The following AASDH variants were observed in gnomAD, a reference collection of about 807,000 sequenced individuals.
AASDH encodes beta-alanine-activating enzyme.
Under a neutral mutation model 102.3 loss-of-function variants are expected in AASDH, and 81 were observed. That is an observed-to-expected ratio of 0.79 (90% CI 0.66 to 0.95). The LOEUF (loss-of-function observed/expected upper bound fraction) is 0.95. Ranked by LOEUF, AASDH falls within the 40% of genes least tolerant of loss-of-function variation. The pLI is 0.00. For synonymous variants in AASDH, 398 were observed against 454.0 expected, an observed-to-expected ratio of 0.88 and a Z score of 1.57; for missense variants, 1,203 against 1,266.2, an observed-to-expected ratio of 0.95 and a Z score of 0.76.
intron 10 of AASDH, among the ~76,000 whole-genome samples, chr4:56,350,364 G>T (rs142455375): frequency 0.011 from 1,627 of 152,234 alleles, 33 homozygotes; most frequent in African/African-American, 0.037. Context: ...TGAGGCAAGA[G>T]AATCGCTTGA....
At chr4:56,385,470 A>C (rs1486756024) in intron 1 of AASDH, among the ~76,000 whole-genome samples, 1 of 152,228 alleles carries the variant, frequency 6.6e-6, no homozygotes, top group African/African-American at 2.4e-5. Flanking sequence ...TCAAGAAAGA[A>C]ACACTCGGGA....
At position 56,378,291 on chromosome 4, in the gene AASDH, G is replaced by A. The variant is rs767161606; in HGVS notation, c.525C>T (p.Val175=). ...EKIKSISSEH[V]NEEKAEEHMD... ...TGTGTTCTTCTGCTTTTTCTTCATT[G>A]ACATGCTCAGAACTTATGCTTTTTA... Residue 175 remains valine, a synonymous_variant, in exon 4 of 15, where the codon GTC becomes GTT. Transcript: ENST00000205214. The A allele has an allele frequency of 6.2e-7, 1 of 1,614,108 alleles. No individual in the cohort carries two copies. Among genetic ancestry groups the A allele is most frequent in the African/African-American group, 1.3e-5 (1 of 75,032 alleles).
chr4:56,338,703 C>T lies in AASDH; in HGVS notation c.2996G>A (p.Cys999Tyr), dbSNP rs369695347. The change falls in exon 15 of 15, where the codon TGC (cysteine) becomes TAC (tyrosine). Residue 999 changes from cysteine to tyrosine, a missense_variant. Physicochemically the swap from Cys to Tyr is radical, Grantham distance 194. Transcript: ENST00000205214. The part of the protein sequence containing the change: ...EQKIFFGSHD[C>Y]FIYCCNMKGH... ...TTTCATGTTACAACAGTAGATAAAGCAATCATGGGAACCAAAAAATATTTT... is the reference window on the plus strand; with the variant it reads ...TTTCATGTTACAACAGTAGATAAAGTAATCATGGGAACCAAAAAATATTTT... The T allele has an allele frequency of 6.2e-7, 1 of 1,614,136 alleles. No homozygotes were observed.
chr4:56,363,182 G>C (rs934933340), intron 5 of AASDH, among the ~76,000 whole-genome samples: 1 of 152,208 alleles, frequency 6.6e-6, no homozygotes, highest in Non-Finnish European at 1.5e-5. Flanking sequence ...GGGGAGGGGC[G>C]CCCACCATCG....
rs1269687767 is a variant in AASDH at position 56,344,532 on chromosome 4, T to C, written c.2652+595A>G. On this transcript the variant is annotated intron_variant, in intron 12 of 14. Coordinates refer to ENST00000205214, the MANE Select transcript of AASDH (RefSeq NM_181806.4). ...TGATCTTTATTTTCATTAATACTTATAAATATAAATGAATTTCCACTTTTT... is the reference window on the plus strand; with the variant it reads ...TGATCTTTATTTTCATTAATACTTACAAATATAAATGAATTTCCACTTTTT... Among the ~76,000 whole-genome samples, 3 of 152,168 alleles carry C rather than the reference T, an allele frequency of 2.0e-5. No homozygotes were observed. The East Asian group carries it at 5.8e-4, about 29-fold the overall frequency.
intron 14 of AASDH, among the ~76,000 whole-genome samples, chr4:56,342,449 C>A (rs1479389198): frequency 6.6e-6 from 1 of 151,954 alleles, no homozygotes; most frequent in Non-Finnish European, 1.5e-5. Context: ...TAAAAGAATC[C>A]AGGGGTTTTA....
intron 1 of AASDH, among the ~76,000 whole-genome samples, chr4:56,386,517 G>A (rs1753565479): frequency 6.6e-6 from 1 of 152,118 alleles, no homozygotes; most frequent in South Asian, 2.1e-4. Context: ...AAAAAGGCCG[G>A]GCGCGGTGGC....
At chr4:56,374,083 G>A (rs1216278865) in intron 4 of AASDH, among the ~76,000 whole-genome samples, 1 of 152,010 alleles carries the variant, frequency 6.6e-6, no homozygotes, top group Non-Finnish European at 1.5e-5. Flanking sequence ...ATTATTTTAA[G>A]GTAAAGACAT....
intron 9 of AASDH, among the ~76,000 whole-genome samples, chr4:56,353,154 C>A (rs542902201): frequency 6.6e-6 from 1 of 152,218 alleles, no homozygotes; most frequent in Non-Finnish European, 1.5e-5. Context: ...GCGCTGACCA[C>A]CATGCCTCAC....
intron 4 of AASDH, among the ~76,000 whole-genome samples, chr4:56,373,317 T>G (rs1051766219): frequency 1.3e-5 from 2 of 151,678 alleles, no homozygotes; most frequent in Non-Finnish European, 2.9e-5. Flanking sequence ...TTTTTTTGAG[T>G]TTTTAGTAGA....
At chr4:56,365,162 G>A (rs1750832057) in intron 5 of AASDH, among the ~76,000 whole-genome samples, 1 of 152,158 alleles carries the variant, frequency 6.6e-6, no homozygotes, top group South Asian at 2.1e-4. Flanking sequence ...TCAACAAGAA[G>A]AGCTAACTAT....
At chr4:56,343,026 T>TA in intron 13 of AASDH, 60 bp from the exon 14 acceptor site, 1 of 1,422,954 alleles carries the variant, frequency 7.0e-7, no homozygotes, top group Non-Finnish European at 9.3e-7. Flanking sequence ...AGTTACCCTT[T>TA]AAAAAACAAA....
At chr4:56,374,031 G>C (rs964860836) in intron 4 of AASDH, among the ~76,000 whole-genome samples, 1 of 152,168 alleles carries the variant, frequency 6.6e-6, no homozygotes, top group African/African-American at 2.4e-5. Flanking sequence ...AGGCAGGTAT[G>C]ATTATGTGAG....
chr4:56,357,926 A>T (rs1244615629), intron 5 of AASDH, among the ~76,000 whole-genome samples: 1 of 151,782 alleles, frequency 6.6e-6, no homozygotes, highest in Non-Finnish European at 1.5e-5. Context: ...TAATTTACAG[A>T]TCAATTTGGG....
At chr4:56,371,090 G>A (rs1344801151) in intron 5 of AASDH, among the ~76,000 whole-genome samples, 10 of 152,030 alleles carry the variant, frequency 6.6e-5, no homozygotes, top group East Asian at 1.9e-4. Context: ...TTCCTAACTC[G>A]ATTATAATTT....
In AASDH at chr4:56,354,197, C is replaced by T. The variant is rs777748401; in HGVS notation, c.1225G>A (p.Val409Met). The change falls in exon 8 of 15, where the codon GTG becomes ATG. Residue 409 changes from valine to methionine, a missense_variant. Val to Met is a conservative substitution (Grantham distance 21). Coordinates refer to ENST00000205214, the MANE Select transcript of AASDH (RefSeq NM_181806.4). ...GQVFLGGRNR[V>M]CFLDDEVTVP... ...GTCACTTCATCATCAAGAAAACACA[C>T]TCTGTTTCTGCCACCTTCCCAAGAT... 13 of 1,574,480 alleles carry T rather than the reference C, an allele frequency of 8.3e-6. No homozygotes were observed. The South Asian group carries it at 1.5e-4, about 18-fold the overall frequency.
intron 4 of AASDH, among the ~76,000 whole-genome samples, chr4:56,375,925 T>C (rs989409806): frequency 6.6e-6 from 1 of 152,084 alleles, no homozygotes; most frequent in Non-Finnish European, 1.5e-5. Flanking sequence ...CATCTAAATG[T>C]ATCTTACTCC....
At chr4:56,365,033 G>C (rs1317234876) in intron 5 of AASDH, among the ~76,000 whole-genome samples, 1 of 151,996 alleles carries the variant, frequency 6.6e-6, no homozygotes, top group Admixed American at 6.6e-5. Context: ...GATCTACCAA[G>C]CAAATGGAAA....
intron 5 of AASDH, chr4:56,356,271 C>A: frequency 9.8e-7 from 1 of 1,021,144 alleles, no homozygotes; most frequent in Non-Finnish European, 1.5e-6. Flanking sequence ...GACATCCAGC[C>A]CAAAAGAGAC....
Sources: allele counts gnomAD v4.1 joint callset (sites outside exome capture counted in the v4.1 genomes callset), GRCh38; gene constraint gnomAD v4.1.1; transcripts MANE v1.5; gene names NCBI Gene and HGNC (gene_info 2026-07-23, HGNC 2026-07-21).